Variants in TENM2 observed in about 807,000 individuals in gnomAD.
The protein encoded by TENM2 is teneurin-2.
TENM2 carries 52 observed loss-of-function variants against 245.2 expected under a neutral mutation model. The observed-to-expected ratio is 0.21, with a 90% CI of 0.17 to 0.27. The LOEUF is 0.27. TENM2 is among the 10% of genes least tolerant of loss of function. The pLI is 1.00. For missense variants in TENM2, 3,046 were observed against 3,666.8 expected, an observed-to-expected ratio of 0.83 and a Z score of 4.37; for synonymous variants, 1,363 against 1,438.9, an observed-to-expected ratio of 0.95 and a Z score of 1.19.
At chr5:168,053,927 C>T (rs1366453073) in intron 6 of TENM2, among the ~76,000 whole-genome samples, 1 of 152,170 alleles carries the variant, frequency 6.6e-6, no homozygotes, top group Non-Finnish European at 1.5e-5. Flanking sequence ...AACCTCAGTT[C>T]TCTCATCTGA....
chr5:167,659,399 G>C (rs1298547623), intron 2 of TENM2, among the ~76,000 whole-genome samples: 1 of 152,124 alleles, frequency 6.6e-6, no homozygotes, highest in Non-Finnish European at 1.5e-5. Context: ...GAAATATGCA[G>C]GAAAACATAT....
intron 3 of TENM2, among the ~76,000 whole-genome samples, chr5:167,949,537 A>G (rs991585544): frequency 4.6e-5 from 7 of 152,182 alleles, no homozygotes; most frequent in Non-Finnish European, 5.9e-5. Context: ...GGACTTGCCA[A>G]CCATCAGGCA....
At chr5:167,794,739 T>C (rs573883350) in intron 2 of TENM2, among the ~76,000 whole-genome samples, 2 of 152,252 alleles carry the variant, frequency 1.3e-5, no homozygotes, top group African/African-American at 4.8e-5. Context: ...GAAAGATAAT[T>C]GGTGCAGGGA....
At chr5:168,057,018 T>A (rs2152075470) in intron 6 of TENM2, among the ~76,000 whole-genome samples, 1 of 152,148 alleles carries the variant, frequency 6.6e-6, no homozygotes, top group South Asian at 2.1e-4. Context: ...TGTATCCCTG[T>A]TGTTAAGTGA....
At chr5:168,190,098 CT>C (rs1191394509) in intron 13 of TENM2, among the ~76,000 whole-genome samples, 1 of 152,188 alleles carries the variant, frequency 6.6e-6, no homozygotes, top group Non-Finnish European at 1.5e-5. Flanking sequence ...GAGAAACACA[CT>C]AATCTGCTAC....
the TENM2 span, among the ~76,000 whole-genome samples, chr5:166,986,037 A>G: frequency 6.6e-6 from 1 of 152,234 alleles, no homozygotes; most frequent in Non-Finnish European, 1.5e-5. Context: ...AAAGCAGATC[A>G]CCAAGTACAT....
At chr5:168,019,885 T>C (rs1785991454) in intron 5 of TENM2, among the ~76,000 whole-genome samples, 1 of 152,238 alleles carries the variant, frequency 6.6e-6, no homozygotes. Context: ...AAGCACCCAC[T>C]TCTTCTCTTC....
At chr5:167,254,482 C>T in the TENM2 span, among the ~76,000 whole-genome samples, 1 of 152,152 alleles carries the variant, frequency 6.6e-6, no homozygotes, top group Non-Finnish European at 1.5e-5. Context: ...AGAGTAGATT[C>T]TATCTGGGTC....
chr5:167,737,643 A>AGAT (rs1382431991), intron 2 of TENM2, among the ~76,000 whole-genome samples: 2 of 152,228 alleles, frequency 1.3e-5, no homozygotes, highest in Non-Finnish European at 2.9e-5. Flanking sequence ...GGAGGCAACC[A>AGAT]GATGATACAT....
At chr5:167,831,924 C>G (rs1768531109) in intron 2 of TENM2, among the ~76,000 whole-genome samples, 2 of 151,386 alleles carry the variant, frequency 1.3e-5, no homozygotes, top group South Asian at 4.2e-4. Flanking sequence ...GCACTCAGAC[C>G]TTAAGTTGTC....
intron 2 of TENM2, among the ~76,000 whole-genome samples, chr5:167,421,213 C>G (rs1383938750): frequency 9.2e-5 from 14 of 152,168 alleles, no homozygotes; most frequent in Admixed American, 9.2e-4. Context: ...ATTAGTCTGA[C>G]TTAGGCCACT....
At chr5:167,690,918 CGAGTATGTGTGT>C (rs1203354474) in intron 2 of TENM2, among the ~76,000 whole-genome samples, 3 of 99,916 alleles carry the variant, frequency 3.0e-5, no homozygotes, top group African/African-American at 8.7e-5. Context: ...TCCGTATATG[CGAGTATGTGTGT>C]GTGTGTGTGT....
the TENM2 span, among the ~76,000 whole-genome samples, chr5:167,260,611 C>G: frequency 6.6e-6 from 1 of 152,266 alleles, no homozygotes; most frequent in Non-Finnish European, 1.5e-5. Context: ...ATTTCATTAT[C>G]AAGCAATAAA....
intron 2 of TENM2, among the ~76,000 whole-genome samples, chr5:167,439,106 C>T (rs933232364): frequency 6.6e-6 from 1 of 152,154 alleles, no homozygotes; most frequent in African/African-American, 2.4e-5. Flanking sequence ...CAAGTTTTTA[C>T]ACATATGCCA....
chr5:167,337,205 A>G (rs956016114), intron 1 of TENM2, among the ~76,000 whole-genome samples: 1 of 151,568 alleles, frequency 6.6e-6, no homozygotes, highest in Non-Finnish European at 1.5e-5. Flanking sequence ...AGGGATACTC[A>G]ATTTGTAGTG....
the TENM2 span, among the ~76,000 whole-genome samples, chr5:167,139,955 G>A: frequency 6.6e-6 from 1 of 152,150 alleles, no homozygotes; most frequent in African/African-American, 2.4e-5. Flanking sequence ...TTATATTTCA[G>A]TCTAGCATTA....
At chr5:167,836,371 A>T (rs183673453) in intron 2 of TENM2, among the ~76,000 whole-genome samples, 1 of 152,324 alleles carries the variant, frequency 6.6e-6, no homozygotes, top group East Asian at 1.9e-4. Context: ...AGGAACTCAC[A>T]CTGGAAACAT....
At chr5:167,479,389 A>G (rs1388099628) in intron 2 of TENM2, among the ~76,000 whole-genome samples, 1 of 152,144 alleles carries the variant, frequency 6.6e-6, no homozygotes, top group Non-Finnish European at 1.5e-5. Context: ...GAATAACAGA[A>G]ATGGAATAGA....
the TENM2 span, among the ~76,000 whole-genome samples, chr5:167,223,734 G>C: frequency 6.6e-6 from 1 of 152,104 alleles, no homozygotes; most frequent in Non-Finnish European, 1.5e-5. Flanking sequence ...TTGTATGGTA[G>C]CTCTATTTTT....
Sources: allele counts gnomAD v4.1 joint callset (sites outside exome capture counted in the v4.1 genomes callset), GRCh38; gene constraint gnomAD v4.1.1; transcripts MANE v1.5; gene names NCBI Gene and HGNC (gene_info 2026-07-23, HGNC 2026-07-21).